The following PCDH11X variants were observed in gnomAD, a reference collection of about 807,000 sequenced individuals.
PCDH11X encodes the protein protocadherin-11 X-linked.
PCDH11X carries 18 observed loss-of-function variants against 53.3 expected under a neutral mutation model. That is an observed-to-expected ratio of 0.34 (90% CI 0.23 to 0.50). The LOEUF is 0.50. Among genes scored for constraint, PCDH11X ranks in the 20% least tolerant of loss-of-function variants. PCDH11X has a pLI of 0.98. For missense variants in PCDH11X, 570 were observed against 1,032.4 expected, an observed-to-expected ratio of 0.55 and a Z score of 6.14; for synonymous variants, 279 against 393.3, an observed-to-expected ratio of 0.71 and a Z score of 3.44.
intron 8 of PCDH11X, among the ~76,000 whole-genome samples, chrX:92,318,140 T>C (rs1437276455): frequency 8.9e-6 from 1 of 111,821 alleles, no homozygotes; most frequent in Non-Finnish European, 1.9e-5. Flanking sequence ...ACAATTACCA[T>C]GGAAAAAATA....
At chrX:92,460,838 T>A in intron 9 of PCDH11X, 1 of 1,060,136 alleles carries the variant, frequency 9.4e-7, no homozygotes, top group Non-Finnish European at 1.3e-6. Flanking sequence ...TCACTCTTGG[T>A]GATGCCTTGG....
At chrX:91,888,854 A>G (rs904271570) in intron 6 of PCDH11X, among the ~76,000 whole-genome samples, 6 of 110,030 alleles carry the variant, frequency 5.5e-5, no homozygotes, top group Admixed American at 2.9e-4. Flanking sequence ...ATTTACAGAA[A>G]TCTATAAAAT....
chrX:92,243,155 G>A (rs62600698), intron 7 of PCDH11X, among the ~76,000 whole-genome samples: 14,832 of 110,769 alleles, frequency 0.13, 1,625 homozygotes, highest in African/African-American at 0.36. Context: ...AAGTACAAAA[G>A]CACTTTGCCT....
At chrX:92,014,199 A>C (rs868474847) in intron 6 of PCDH11X, among the ~76,000 whole-genome samples, 4 of 101,667 alleles carry the variant, frequency 3.9e-5, no homozygotes, top group Non-Finnish European at 8.4e-5. Context: ...AAAAAAACAA[A>C]CAACCCCATC....
intron 6 of PCDH11X, among the ~76,000 whole-genome samples, chrX:91,989,544 C>G (rs139749400): frequency 0.034 from 3,540 of 105,434 alleles, 61 homozygotes; most frequent in Non-Finnish European, 0.052. Flanking sequence ...ACCTGGGCAA[C>G]AGAGCGAGAC....
intron 10 of PCDH11X, among the ~76,000 whole-genome samples, chrX:92,527,463 A>C (rs1027885849): frequency 2.7e-5 from 3 of 111,104 alleles, no homozygotes; most frequent in African/African-American, 9.8e-5. Context: ...TATGATTTCA[A>C]TTCCCATGAA....
chrX:91,822,104 A>G (rs1029417547), intron 4 of PCDH11X, among the ~76,000 whole-genome samples: 8 of 109,802 alleles, frequency 7.3e-5, no homozygotes, highest in Non-Finnish European at 1.5e-4. Context: ...TTTTGCATCA[A>G]TGTTCATCAA....
At chrX:92,214,099 C>A (rs1191691383) in intron 7 of PCDH11X, among the ~76,000 whole-genome samples, 2 of 111,512 alleles carry the variant, frequency 1.8e-5, no homozygotes, top group African/African-American at 6.5e-5. Flanking sequence ...CTTGGCTTAT[C>A]ATGAGGACTC....
chrX:92,550,324 A>G (rs2074932165), intron 10 of PCDH11X, among the ~76,000 whole-genome samples: 1 of 107,066 alleles, frequency 9.3e-6, no homozygotes, highest in Non-Finnish European at 1.9e-5. Flanking sequence ...TCCTATTGTA[A>G]TATCATAAAT....
At chrX:92,000,574 A>G (rs1343963754) in intron 6 of PCDH11X, among the ~76,000 whole-genome samples, 2 of 107,649 alleles carry the variant, frequency 1.9e-5, no homozygotes, top group African/African-American at 3.4e-5. Flanking sequence ...TCAAGTTACA[A>G]ACAATCCAAT....
At chrX:91,844,322 G>T (rs1383366036) in intron 5 of PCDH11X, among the ~76,000 whole-genome samples, 2 of 109,801 alleles carry the variant, frequency 1.8e-5, no homozygotes, top group African/African-American at 6.6e-5. Context: ...GTTTTGTTTT[G>T]TTTTAAGTCT....
chrX:92,212,151 G>A (rs148671713), intron 7 of PCDH11X, among the ~76,000 whole-genome samples: 8,222 of 107,193 alleles, frequency 0.077, 565 homozygotes, highest in East Asian at 0.43. Flanking sequence ...AGCTGACATT[G>A]CATGTGCACA....
chrX:92,381,233 G>GT (rs897295321), intron 8 of PCDH11X, among the ~76,000 whole-genome samples: 2 of 108,598 alleles, frequency 1.8e-5, no homozygotes, highest in African/African-American at 3.4e-5. Context: ...GAACTTCAAT[G>GT]TTTTTTAAAT....
chrX:91,782,700 T>C (rs1367248279), intron 1 of PCDH11X, among the ~76,000 whole-genome samples: 1 of 109,875 alleles, frequency 9.1e-6, no homozygotes, highest in Non-Finnish European at 1.9e-5. Flanking sequence ...ACTACTGCCA[T>C]AGGGGAGAGA....
chrX:91,909,071 T>C (rs1260842099), intron 6 of PCDH11X, among the ~76,000 whole-genome samples: 2 of 110,894 alleles, frequency 1.8e-5, no homozygotes, highest in Non-Finnish European at 3.8e-5. Context: ...CAAGATAAAA[T>C]AGAAAACAGC....
intron 9 of PCDH11X, among the ~76,000 whole-genome samples, chrX:92,422,581 A>G (rs1292323364): frequency 1.8e-5 from 2 of 111,509 alleles, no homozygotes; most frequent in Non-Finnish European, 3.8e-5. Flanking sequence ...AGTTGGTTAT[A>G]TATTTTTGAA....
At chrX:92,418,141 A>T (rs773248914) in intron 9 of PCDH11X, among the ~76,000 whole-genome samples, 13 of 104,127 alleles carry the variant, frequency 1.2e-4, no homozygotes, top group African/African-American at 4.1e-4. Flanking sequence ...TAGTTATTCT[A>T]TTTTTTTAGT....
intron 6 of PCDH11X, among the ~76,000 whole-genome samples, chrX:92,022,084 C>A (rs1255398748): frequency 9.4e-6 from 1 of 106,951 alleles, no homozygotes; most frequent in Non-Finnish European, 1.9e-5. Flanking sequence ...ATATAAAGAC[C>A]AATGACACTA....
At chrX:91,950,906 A>G (rs5942104) in intron 6 of PCDH11X, among the ~76,000 whole-genome samples, 20,759 of 108,146 alleles carry the variant, frequency 0.19, 2,162 homozygotes, top group Admixed American at 0.47. Flanking sequence ...GAAAAATGGG[A>G]TATTTTATGT....
Sources: gnomAD v4.1 joint callset for allele counts (sites outside exome capture counted in the v4.1 genomes callset) on GRCh38, gnomAD v4.1.1 for gene constraint, MANE v1.5 for transcripts, NCBI Gene and HGNC (gene_info 2026-07-23, HGNC 2026-07-21) for gene names.